AKT3: variants seen among roughly 807,000 people sequenced by gnomAD.
The protein encoded by AKT3 is AKT serine/threonine kinase 3, also known as RAC-gamma serine/threonine-protein kinase.
AKT3 carries 15 observed loss-of-function variants against 65.3 expected under a neutral mutation model. The ratio of observed to expected loss-of-function variants is 0.23; its 90% CI spans 0.15 to 0.35. The LOEUF is 0.35. Among genes scored for constraint, AKT3 ranks in the 10% least tolerant of loss-of-function variants. AKT3 has a pLI of 1.00. For synonymous variants in AKT3, 206 were observed against 183.8 expected (o/e 1.12, Z -0.98); for missense variants, 243 against 576.5 (o/e 0.42, Z 5.92).
At chr1:243,641,258 GTATA>G (rs74162300) in intron 5 of AKT3, among the ~76,000 whole-genome samples, 2 of 141,154 alleles carry the variant, frequency 1.4e-5, no homozygotes, top group East Asian at 2.1e-4. Flanking sequence ...ATGTGTGTGT[GTATA>G]TATATATATA....
chr1:243,774,023 T>C (rs1690379436), intron 2 of AKT3, among the ~76,000 whole-genome samples: 1 of 152,132 alleles, frequency 6.6e-6, no homozygotes, highest in Non-Finnish European at 1.5e-5. Flanking sequence ...GATCTATGGA[T>C]GGTGACCATT....
chr1:243,544,141 G>T (rs1217026789), intron 12 of AKT3, among the ~76,000 whole-genome samples: 1 of 149,084 alleles, frequency 6.7e-6, no homozygotes, highest in Non-Finnish European at 1.5e-5. Flanking sequence ...ATTCGGAGTA[G>T]ATTATTGAAT....
intron 13 of AKT3, among the ~76,000 whole-genome samples, chr1:243,492,227 G>A (rs1435261091): frequency 6.7e-6 from 1 of 149,436 alleles, no homozygotes; most frequent in Non-Finnish European, 1.5e-5. Flanking sequence ...CATCCTCCCC[G>A]CTCCCCGGCG....
At chr1:243,690,556 T>C (rs1477502838) in intron 3 of AKT3, among the ~76,000 whole-genome samples, 1 of 152,202 alleles carries the variant, frequency 6.6e-6, no homozygotes, top group African/African-American at 2.4e-5. Context: ...TATATATTAA[T>C]AGTTCTTATG....
At chr1:243,772,273 T>G (rs942437156) in intron 2 of AKT3, among the ~76,000 whole-genome samples, 3 of 151,346 alleles carry the variant, frequency 2.0e-5, no homozygotes, top group Admixed American at 6.6e-5. Context: ...TGGGAGAAAA[T>G]TTTTGCAATC....
At chr1:243,822,880 A>G (rs886993625) in intron 2 of AKT3, among the ~76,000 whole-genome samples, 3 of 152,200 alleles carry the variant, frequency 2.0e-5, no homozygotes, top group African/African-American at 7.2e-5. Flanking sequence ...ACTTCTTCTG[A>G]AACTATTCCC....
chr1:243,803,295 C>A (rs1269174206), intron 2 of AKT3, among the ~76,000 whole-genome samples: 3 of 152,138 alleles, frequency 2.0e-5, no homozygotes, highest in Non-Finnish European at 4.4e-5. Flanking sequence ...CCAGCTGTAC[C>A]TTCTCTTCCA....
Position 243,512,398 on chromosome 1 carries a change from G to A in AKT3, c.1280C>T (p.Thr427Ile), listed in dbSNP as rs775611627. 3 of 1,588,284 alleles carry A rather than the reference G, an allele frequency of 1.9e-6. No individual in the cohort carries two copies. Among genetic ancestry groups the A allele is most frequent in the Non-Finnish European group, 2.6e-6 (3 of 1,164,568 alleles). Residue 427 changes from threonine to isoleucine, a missense_variant, in exon 13 of 14, where the codon ACA (threonine) becomes ATA (isoleucine). By Grantham distance (89) the Thr-to-Ile change is moderately conservative. Transcript: ENST00000673466. Reference protein sequence around the residue: ...KLVPPFKPQVTSETDTRYFDE... With the variant: ...KLVPPFKPQVISETDTRYFDE... The stretch of plus-strand genomic sequence containing the variant: ...AAAATATCTAGTATCTGTCTCAGAT[G>A]TTACTTGAGGTTTAAAAGGAGGTAC...
chr1:243,674,177 A>G lies in AKT3; in HGVS notation c.173-9294T>C, dbSNP rs2147951527. On this transcript the variant is annotated intron_variant, in intron 3 of 13. Transcript: ENST00000673466. ...ACCTAAAAGATAATCTACCCCTAAT[A>G]AAATAATTAATTCAGGCAAAAATCA... 1.3e-5 allele frequency among the ~76,000 whole-genome samples: 2 copies of G among 152,350 alleles called. 1 individual carries two copies. The highest frequency in any genetic ancestry group is 4.1e-4 in the South Asian group (2 of 4,832).
chr1:243,548,814 A>G (rs1672848956), intron 11 of AKT3, among the ~76,000 whole-genome samples: 1 of 152,218 alleles, frequency 6.6e-6, no homozygotes, highest in Non-Finnish European at 1.5e-5. Context: ...GAAAGGATGG[A>G]GACTAAGAAA....
At chr1:243,548,154 T>C (rs1016666289) in intron 11 of AKT3, 1 of 152,206 alleles carries the variant, frequency 6.6e-6, no homozygotes, top group East Asian at 1.9e-4. Flanking sequence ...CTGAAAAGCA[T>C]TTAATATTTT....
At chr1:243,834,652 C>T (rs185030560) in intron 2 of AKT3, among the ~76,000 whole-genome samples, 11 of 151,412 alleles carry the variant, frequency 7.3e-5, no homozygotes, top group South Asian at 4.2e-4. Context: ...ACCCGGATGA[C>T]GAAATAATCT....
intron 6 of AKT3, among the ~76,000 whole-genome samples, chr1:243,634,230 TG>T (rs1419194522): frequency 6.6e-6 from 1 of 152,074 alleles, no homozygotes; most frequent in East Asian, 1.9e-4. Flanking sequence ...TACAATACAT[TG>T]GTTTTTTAAT....
At chr1:243,539,190 C>CT (rs1345617921) in intron 12 of AKT3, among the ~76,000 whole-genome samples, 2 of 152,094 alleles carry the variant, frequency 1.3e-5, no homozygotes, top group African/African-American at 4.8e-5. Context: ...TCTGCCACCT[C>CT]TTGAGACAGC....
chr1:243,515,602 T>C (rs1224350333), intron 12 of AKT3, among the ~76,000 whole-genome samples: 2 of 152,380 alleles, frequency 1.3e-5, no homozygotes, highest in Non-Finnish European at 2.9e-5. Flanking sequence ...GTAGTGATTC[T>C]TTGTATCTAT....
intron 2 of AKT3, chr1:243,788,889 T>A (rs1044550155): frequency 2.0e-5 from 3 of 152,532 alleles, no homozygotes; most frequent in African/African-American, 7.2e-5. Flanking sequence ...TATATCTCTG[T>A]AACGTGTCAT....
At chr1:243,496,972 G>A (rs1422995789), downstream of AKT3, among the ~76,000 whole-genome samples, 1 of 152,214 alleles carries the variant, frequency 6.6e-6, no homozygotes, top group East Asian at 1.9e-4. Flanking sequence ...CCTCTGAGCT[G>A]CAGGACAGCC....
intron 2 of AKT3, among the ~76,000 whole-genome samples, chr1:243,795,836 A>T (rs1487257575): frequency 6.6e-6 from 1 of 152,132 alleles, no homozygotes; most frequent in Non-Finnish European, 1.5e-5. Context: ...ACAGCTCTTC[A>T]TTAATTTTGC....
At chr1:243,776,148 A>G (rs546751475) in intron 2 of AKT3, among the ~76,000 whole-genome samples, 1 of 152,340 alleles carries the variant, frequency 6.6e-6, no homozygotes, top group South Asian at 2.1e-4. Flanking sequence ...TCCATCAATG[A>G]AGAGCAAAAT....
Sources: allele counts gnomAD v4.1 joint callset (sites outside exome capture counted in the v4.1 genomes callset), GRCh38; gene constraint gnomAD v4.1.1; transcripts MANE v1.5; gene names NCBI Gene and HGNC (gene_info 2026-07-23, HGNC 2026-07-21).